The following FAM186B variants were observed in gnomAD, a reference collection of about 807,000 sequenced individuals.
FAM186B encodes protein FAM186B.
In FAM186B, 68 loss-of-function variants were observed where a neutral mutation model predicts 83.4. That is an observed-to-expected ratio of 0.81 (90% CI 0.67 to 1.00). The LOEUF (loss-of-function observed/expected upper bound fraction) is 1.00, where lower values mean the gene tolerates loss of function less well. Among genes scored for constraint, FAM186B ranks in the 50% least tolerant of loss-of-function variants. FAM186B has a pLI of 0.00. For synonymous variants in FAM186B, 389 were observed against 422.0 expected (o/e 0.92, Z 0.96); for missense variants, 983 against 1,099.2 (o/e 0.89, Z 1.49).
At chr12:49,620,792 C>A in the FAM186B span, among the ~76,000 whole-genome samples, 2 of 152,096 alleles carry the variant, frequency 1.3e-5, no homozygotes, top group Admixed American at 1.3e-4. Flanking sequence ...TGGAAGGTAA[C>A]TGAAGAACAC....
upstream of FAM186B, among the ~76,000 whole-genome samples, chr12:49,609,643 G>T (rs1373180470): frequency 1.3e-5 from 2 of 152,254 alleles, no homozygotes; most frequent in African/African-American, 2.4e-5. Flanking sequence ...GACACCTGGA[G>T]CATGCACTCT....
the FAM186B span, among the ~76,000 whole-genome samples, chr12:49,614,887 T>C: frequency 1.3e-5 from 2 of 152,026 alleles, no homozygotes; most frequent in East Asian, 1.9e-4. Flanking sequence ...TTCCAGCCCT[T>C]TGGGAGGCTG....
the FAM186B span, among the ~76,000 whole-genome samples, chr12:49,615,159 CAGTG>C: frequency 2.0e-5 from 3 of 151,870 alleles, no homozygotes; most frequent in Non-Finnish European, 2.9e-5. Flanking sequence ...ACATTGGGTA[CAGTG>C]TACACTGCTC....
Position 49,604,444 on chromosome 12 carries a change from G to T in FAM186B, c.191C>A (p.Ala64Asp). ...CTTTGGATCTCTCTGCTGAGATTTG[G>T]CATTTTCTTTTAAATCATATCCTAA... ...EELGYDLKEN[A>D]KSQQRDPKGK... is the part of the protein sequence containing the mutation. Residue 64 changes from alanine (A) to aspartate (D), a missense_variant, in exon 2 of 7, where the codon GCC becomes GAC. Physicochemically the swap from Ala to Asp is moderately radical, Grantham distance 126. Coordinates refer to ENST00000257894, the MANE Select transcript of FAM186B (RefSeq NM_032130.3). 1 of 1,614,174 alleles carries T rather than the reference G, an allele frequency of 6.2e-7. No homozygotes were observed. Among genetic ancestry groups the T allele is most frequent in the Non-Finnish European group, 8.5e-7 (1 of 1,180,018 alleles).
At chr12:49,598,041 A>G (rs568044927) in intron 5 of FAM186B, among the ~76,000 whole-genome samples, 1 of 152,304 alleles carries the variant, frequency 6.6e-6, no homozygotes, top group African/African-American at 2.4e-5. Flanking sequence ...GCCTGGGCAA[A>G]AGAGCGAGAC....
chr12:49,591,040 A>T (rs968535948), intron 5 of FAM186B, among the ~76,000 whole-genome samples: 8 of 152,150 alleles, frequency 5.3e-5, no homozygotes, highest in African/African-American at 1.9e-4. Context: ...TGAAAAAATG[A>T]TGTATACCCA....
chr12:49,596,244 A>G (rs1489708377), intron 5 of FAM186B, among the ~76,000 whole-genome samples: 1 of 149,760 alleles, frequency 6.7e-6, no homozygotes, highest in African/African-American at 2.5e-5. Flanking sequence ...TAAACAAGGC[A>G]TTTAGCAAAC....
At chr12:49,612,876 C>T in the FAM186B span, among the ~76,000 whole-genome samples, 1 of 152,180 alleles carries the variant, frequency 6.6e-6, no homozygotes, top group East Asian at 1.9e-4. Context: ...GACACCTGAC[C>T]AATTGGACCT....
At chr12:49,612,097 G>T in the FAM186B span, among the ~76,000 whole-genome samples, 1 of 152,080 alleles carries the variant, frequency 6.6e-6, no homozygotes, top group Non-Finnish European at 1.5e-5. Flanking sequence ...AAAGCAACCA[G>T]CTAGTAACTT....
the FAM186B span, chr12:49,619,357 C>CCTTT: frequency 0.01 from 4,028 of 395,168 alleles, 112 homozygotes; most frequent in African/African-American, 0.062. Flanking sequence ...CAGATGTTTC[C>CCTTT]CTTCATATGA....
chr12:49,588,432 C>T (rs1273909264), intron 6 of FAM186B, 22 bp downstream of exon 6: 1 of 1,596,348 alleles, frequency 6.3e-7, no homozygotes, highest in Admixed American at 1.7e-5. Flanking sequence ...AGCTGCTGCC[C>T]CCTCAGCTTC....
intron 3 of FAM186B, among the ~76,000 whole-genome samples, chr12:49,602,464 T>G (rs1342225490): frequency 6.6e-6 from 1 of 152,190 alleles, no homozygotes; most frequent in Non-Finnish European, 1.5e-5. Context: ...GTCAGACACC[T>G]CACACTGTGT....
chr12:49,610,153 A>AC, upstream of FAM186B, among the ~76,000 whole-genome samples: 1 of 152,276 alleles, frequency 6.6e-6, no homozygotes, highest in African/African-American at 2.4e-5. Context: ...AAAAAAAAAA[A>AC]AAACCGATAT....
At chr12:49,585,015 T>C (rs575021919), downstream of FAM186B, among the ~76,000 whole-genome samples, 3 of 152,172 alleles carry the variant, frequency 2.0e-5, no homozygotes, top group South Asian at 4.2e-4. Flanking sequence ...CATGGTTTTT[T>C]GTTTCGTTTT....
chr12:49,595,377 T>C, intron 5 of FAM186B: 1 of 551,852 alleles, frequency 1.8e-6, no homozygotes, highest in South Asian at 1.4e-5. Flanking sequence ...CTGAGTCTGC[T>C]TCTGTGAAGG....
At chr12:49,584,336 G>A (rs956897165), downstream of FAM186B, 24 of 594,654 alleles carry the variant, frequency 4.0e-5, no homozygotes, top group Non-Finnish European at 7.2e-5. Context: ...CTGCAGGAGG[G>A]AAGCAGTGTT....
the FAM186B span, among the ~76,000 whole-genome samples, chr12:49,616,891 G>A: frequency 2.6e-5 from 4 of 152,186 alleles, no homozygotes. Flanking sequence ...GCAATGTTTT[G>A]TAATGCTCGA....
intron 2 of FAM186B, 137 bp from the exon 3 acceptor site, chr12:49,603,504 A>G: frequency 1.3e-6 from 1 of 786,792 alleles, no homozygotes; most frequent in Non-Finnish European, 2.0e-6. Context: ...ATGTTGGGCA[A>G]GTCACTTATC....
At chr12:49,584,507 T>C (rs982197736), downstream of FAM186B, 2 of 702,280 alleles carry the variant, frequency 2.8e-6, no homozygotes, top group Non-Finnish European at 5.2e-6. Flanking sequence ...GTCTTGATCC[T>C]TCTGGCTTAT....
Sources: allele counts gnomAD v4.1 joint callset (sites outside exome capture counted in the v4.1 genomes callset), GRCh38; gene constraint gnomAD v4.1.1; transcripts MANE v1.5; gene names NCBI Gene and HGNC (gene_info 2026-07-23, HGNC 2026-07-21).